FSHR: variants seen among roughly 807,000 people sequenced by gnomAD.
The protein encoded by FSHR is follicle stimulating hormone receptor.
In FSHR, 46 loss-of-function variants were observed where a neutral mutation model predicts 52.1. That is an observed-to-expected ratio of 0.88 (90% CI 0.70 to 1.13). The LOEUF is 1.13. Among genes scored for constraint, FSHR ranks in the 50% most tolerant of loss-of-function variants. FSHR has a pLI of 0.00. For missense variants in FSHR, 964 were observed against 834.6 expected (o/e 1.16, Z -1.91); for synonymous variants, 399 against 309.6 (o/e 1.29, Z -3.03).
intron 2 of FSHR, among the ~76,000 whole-genome samples, chr2:49,044,676 C>T (rs777896545): frequency 1.3e-5 from 2 of 152,034 alleles, no homozygotes; most frequent in Non-Finnish European, 2.9e-5. Flanking sequence ...ACTCTTACTG[C>T]CTGCTTTCAT....
chr2:49,095,295 T>C (rs1174360561), intron 1 of FSHR, among the ~76,000 whole-genome samples: 1 of 152,096 alleles, frequency 6.6e-6, no homozygotes, highest in Admixed American at 6.5e-5. Flanking sequence ...GTCAATGGAA[T>C]AGAATTGAGA....
rs369194959 is a variant in FSHR, at chr2:49,018,861, TTG to T, written c.299+1223_299+1224del. Among the ~76,000 whole-genome samples, 8 of 151,770 alleles carry T rather than the reference TTG, an allele frequency of 5.3e-5. No homozygotes were observed. The East Asian group carries it at 9.7e-4, about 18-fold the overall frequency. On this transcript the variant is annotated intron_variant, in intron 3 of 9. Transcript: ENST00000406846. ...CACACACACACACCTGTGTGTCTAT[TTG>T]TGTGTGTGTGTATCTGTTCCCTACT... is the stretch of plus-strand genomic sequence containing the variant.
intron 4 of FSHR, among the ~76,000 whole-genome samples, chr2:49,008,080 G>C (rs1667131637): frequency 6.7e-6 from 1 of 149,058 alleles, no homozygotes; most frequent in Non-Finnish European, 1.5e-5. Context: ...ACATTGTGCA[G>C]GTTAGTTACA....
intron 2 of FSHR, among the ~76,000 whole-genome samples, chr2:49,050,429 A>T (rs947448115): frequency 2.0e-5 from 3 of 152,200 alleles, no homozygotes; most frequent in Admixed American, 6.5e-5. Context: ...CCAAGGGCTT[A>T]GGCACAGACA....
At chr2:49,153,985 A>T (rs1468481767) in intron 1 of FSHR, among the ~76,000 whole-genome samples, 1 of 152,194 alleles carries the variant, frequency 6.6e-6, no homozygotes, top group African/African-American at 2.4e-5. Context: ...GAAACCCAAG[A>T]GCAAATGCAT....
intron 2 of FSHR, among the ~76,000 whole-genome samples, chr2:49,054,480 A>C (rs1668981912): frequency 6.6e-6 from 1 of 152,054 alleles, no homozygotes; most frequent in Admixed American, 6.5e-5. Flanking sequence ...CCCCAAGCAG[A>C]CATACCCCCA....
At chr2:48,974,234 A>C (rs941527184) in intron 8 of FSHR, among the ~76,000 whole-genome samples, 1 of 152,218 alleles carries the variant, frequency 6.6e-6, no homozygotes, top group African/African-American at 2.4e-5. Flanking sequence ...GCCAACAAGA[A>C]GACAGACATG....
intron 1 of FSHR, among the ~76,000 whole-genome samples, chr2:49,079,472 G>T (rs1405773051): frequency 6.6e-6 from 1 of 152,132 alleles, no homozygotes; most frequent in East Asian, 1.9e-4. Flanking sequence ...AGATTGAGGG[G>T]ATTGGCATAC....
intron 1 of FSHR, among the ~76,000 whole-genome samples, chr2:49,087,583 T>C (rs1275722383): frequency 2.0e-5 from 3 of 152,154 alleles, no homozygotes; most frequent in Non-Finnish European, 4.4e-5. Context: ...TAAAAGCATG[T>C]ATAGTCATGA....
chr2:49,011,556 A>C (rs1219495286), intron 4 of FSHR, among the ~76,000 whole-genome samples: 1 of 152,168 alleles, frequency 6.6e-6, no homozygotes. Flanking sequence ...CGCTTGGTGC[A>C]GAGCTGAGTT....
intron 1 of FSHR, among the ~76,000 whole-genome samples, chr2:49,090,623 T>C (rs537040717): frequency 4.6e-5 from 7 of 152,352 alleles, no homozygotes; most frequent in Admixed American, 4.6e-4. Context: ...TTTTTCATGA[T>C]AAATATATAG....
chr2:48,963,101 T>A lies in FSHR; in HGVS notation c.1720A>T (p.Met574Leu). Reference protein sequence around the residue: ...SSSDTRIAKRMAMLIFTDFLC... With the variant: ...SSSDTRIAKRLAMLIFTDFLC... ...AAGTCAGTGAAGATGAGCATGGCCA[T>A]GCGCTTGGCGATCCTGGTGTCACTA... Residue 574 changes from methionine (M) to leucine (L), a missense_variant, in exon 10 of 10, where the codon ATG becomes TTG. By Grantham distance (15) the Met-to-Leu change is conservative. Coordinates refer to ENST00000406846, the MANE Select transcript of FSHR (RefSeq NM_000145.4). The A allele has an allele frequency of 6.2e-7, 1 of 1,614,090 alleles. No homozygotes were observed. Among genetic ancestry groups the A allele is most frequent in the Non-Finnish European group, 8.5e-7 (1 of 1,179,992 alleles).
intron 1 of FSHR, among the ~76,000 whole-genome samples, chr2:49,146,929 G>T (rs1412765565): frequency 6.6e-6 from 1 of 152,012 alleles, no homozygotes; most frequent in Admixed American, 6.6e-5. Context: ...TCTGACACAG[G>T]ACTCTGTGAT....
intron 1 of FSHR, among the ~76,000 whole-genome samples, chr2:49,082,853 C>T (rs1468980107): frequency 3.9e-5 from 6 of 152,076 alleles, no homozygotes; most frequent in Non-Finnish European, 1.5e-5. Context: ...TGTGAAAACA[C>T]CAAATCTACG....
chr2:49,072,885 T>C (rs1041086514), intron 1 of FSHR, among the ~76,000 whole-genome samples: 1 of 152,176 alleles, frequency 6.6e-6, no homozygotes, highest in Non-Finnish European at 1.5e-5. Flanking sequence ...CACTTAACAT[T>C]GTAAACTCTG....
intron 1 of FSHR, among the ~76,000 whole-genome samples, chr2:49,068,846 T>C (rs1669615653): frequency 6.6e-6 from 1 of 152,072 alleles, no homozygotes; most frequent in Admixed American, 6.6e-5. Context: ...GCTTCTCCAA[T>C]ATACACTAGG....
At chr2:49,009,237 C>G (rs1234870504) in intron 4 of FSHR, among the ~76,000 whole-genome samples, 3 of 97,670 alleles carry the variant, frequency 3.1e-5, no homozygotes, top group East Asian at 7.9e-4. Flanking sequence ...TTTCAGCTTT[C>G]TACATATGGC....
intron 2 of FSHR, among the ~76,000 whole-genome samples, chr2:49,042,949 C>A (rs1668528960): frequency 1.3e-5 from 2 of 151,994 alleles, no homozygotes; most frequent in African/African-American, 2.4e-5. Flanking sequence ...ATTGACAACA[C>A]CTTAGGAAAA....
chr2:49,149,308 C>T (rs959396339), intron 1 of FSHR, among the ~76,000 whole-genome samples: 10 of 151,970 alleles, frequency 6.6e-5, no homozygotes, highest in African/African-American at 2.4e-4. Context: ...ACTTCAGAAC[C>T]ATCTCCTTCA....
Sources: gnomAD v4.1 joint callset for allele counts (sites outside exome capture counted in the v4.1 genomes callset) on GRCh38, gnomAD v4.1.1 for gene constraint, MANE v1.5 for transcripts, NCBI Gene and HGNC (gene_info 2026-07-23, HGNC 2026-07-21) for gene names.